The following ANO1 variants were observed in gnomAD, a reference collection of about 807,000 sequenced individuals.
The protein encoded by ANO1 is anoctamin-1.
ANO1 carries 59 observed loss-of-function variants against 124.0 expected under a neutral mutation model. The observed-to-expected ratio is 0.48, with a 90% CI of 0.39 to 0.59. The LOEUF (loss-of-function observed/expected upper bound fraction) is 0.59, where lower values mean the gene tolerates loss of function less well. ANO1 is among the 20% of genes least tolerant of loss of function. The pLI is 0.00. For missense variants in ANO1, 1,059 were observed against 1,328.0 expected (o/e 0.80, Z 3.15); for synonymous variants, 529 against 532.0 (o/e 0.99, Z 0.08).
chr11:70,168,448 C>T (rs1327375016), intron 21 of ANO1, among the ~76,000 whole-genome samples: 1 of 151,968 alleles, frequency 6.6e-6, no homozygotes, highest in Middle Eastern at 3.2e-3. Context: ...TGTTTCTGCT[C>T]CCCAGCAGAC....
intron 1 of ANO1, among the ~76,000 whole-genome samples, chr11:70,060,775 A>G (rs1251419314): frequency 6.6e-6 from 1 of 152,176 alleles, no homozygotes; most frequent in Non-Finnish European, 1.5e-5. Context: ...TAGAAAGGCA[A>G]CAGGTCATGG....
chr11:70,014,546 G>A (rs925001273), intron 1 of ANO1, among the ~76,000 whole-genome samples: 18 of 152,234 alleles, frequency 1.2e-4, no homozygotes, highest in African/African-American at 4.1e-4. Context: ...GCCTGCCCAG[G>A]CTGCTGCTGC....
chr11:70,101,160 G>A (rs909236133), intron 2 of ANO1, among the ~76,000 whole-genome samples: 2 of 151,768 alleles, frequency 1.3e-5, no homozygotes, highest in Non-Finnish European at 2.9e-5. Flanking sequence ...AGGTGCTGGG[G>A]CCCCACCTTT....
chr11:70,080,874 G>A (rs2044180854), intron 1 of ANO1, among the ~76,000 whole-genome samples: 1 of 152,214 alleles, frequency 6.6e-6, no homozygotes, highest in African/African-American at 2.4e-5. Flanking sequence ...GGGCCTGTTG[G>A]TGCAGGGCAG....
At chr11:70,051,976 A>G (rs1857355043) in intron 1 of ANO1, among the ~76,000 whole-genome samples, 1 of 152,192 alleles carries the variant, frequency 6.6e-6, no homozygotes, top group Admixed American at 6.5e-5. Context: ...TAAGGTCATG[A>G]AGGTAGCCTC....
At chr11:70,187,569 G>T (rs1283478488) in intron 25 of ANO1, among the ~76,000 whole-genome samples, 169 bp from the exon 26 acceptor site, 1 of 152,148 alleles carries the variant, frequency 6.6e-6, no homozygotes, top group African/African-American at 2.4e-5. Context: ...GAGGCCTGCC[G>T]GGTGGTTCTA....
At chr11:70,144,960 G>C (rs2047304079) in intron 11 of ANO1, among the ~76,000 whole-genome samples, 1 of 152,328 alleles carries the variant, frequency 6.6e-6, no homozygotes, top group African/African-American at 2.4e-5. Context: ...GCGTGGGAAA[G>C]CACCGTGTCC....
intron 1 of ANO1, among the ~76,000 whole-genome samples, chr11:70,019,266 C>CA (rs1856758592): frequency 7.0e-6 from 1 of 142,352 alleles, no homozygotes; most frequent in African/African-American, 2.6e-5. Flanking sequence ...CACACACATT[C>CA]ACTCCCCCGT....
At chr11:70,067,418 C>G (rs981996317) in intron 1 of ANO1, among the ~76,000 whole-genome samples, 5 of 151,766 alleles carry the variant, frequency 3.3e-5, no homozygotes, top group Admixed American at 2.0e-4. Context: ...ACCTCCACCC[C>G]CTAGGTTTAA....
intron 1 of ANO1, among the ~76,000 whole-genome samples, chr11:70,044,051 GA>G (rs61029206): frequency 0.097 from 14,733 of 152,050 alleles, 912 homozygotes; most frequent in Non-Finnish European, 0.14. Context: ...TAGCACAAAG[GA>G]AGGAGAGAAA....
upstream of ANO1, among the ~76,000 whole-genome samples, chr11:70,073,597 G>A (rs71467473): frequency 0.086 from 13,114 of 152,124 alleles, 601 homozygotes; most frequent in East Asian, 0.22. Flanking sequence ...AGAAGGGAAC[G>A]TGAGTGGCTG....
chr11:70,130,747 A>G (rs1486959041), intron 10 of ANO1, among the ~76,000 whole-genome samples: 1 of 152,152 alleles, frequency 6.6e-6, no homozygotes, highest in Admixed American at 6.5e-5. Flanking sequence ...GCCTGCACTG[A>G]GCGGGACCCA....
intron 12 of ANO1, among the ~76,000 whole-genome samples, chr11:70,150,293 G>A (rs1315680482): frequency 6.6e-6 from 1 of 152,174 alleles, no homozygotes. Context: ...TAACATAGAG[G>A]GAAAGCCAGT....
At chr11:70,046,862 T>A (rs956726976) in intron 1 of ANO1, among the ~76,000 whole-genome samples, 1 of 151,916 alleles carries the variant, frequency 6.6e-6, no homozygotes, top group Admixed American at 6.6e-5. Context: ...TCACCTGAGG[T>A]CAGGAGTTCA....
chr11:70,078,662 T>A lies in ANO1; in HGVS notation c.56T>A (p.Ile19Asn). Residue 19 changes from isoleucine to asparagine, a missense_variant, in exon 1 of 26, where the codon ATC (isoleucine) becomes AAC (asparagine). Physicochemically the swap from Ile to Asn is moderately radical, Grantham distance 149. Coordinates refer to ENST00000355303, the MANE Select transcript of ANO1 (RefSeq NM_018043.7). Reference protein sequence around the residue: ...TLPAEDRSVHIINICAIEDIG... With the variant: ...TLPAEDRSVHNINICAIEDIG... ...CCGGCCGAGGACCGCAGCGTCCACA[T>A]CATCAACATCTGCGCCATCGAGGAC... The A allele has an allele frequency of 6.7e-7, 1 of 1,499,548 alleles. No individual in the cohort carries two copies. The highest frequency in any genetic ancestry group is 9.0e-7 in the Non-Finnish European group (1 of 1,113,796). The allele number at this position is 1,499,548 out of a possible 1,614,324, so 92.9% of individuals were successfully genotyped here.
At chr11:70,055,433 C>T (rs556098921) in intron 1 of ANO1, among the ~76,000 whole-genome samples, 3 of 151,820 alleles carry the variant, frequency 2.0e-5, no homozygotes, top group Admixed American at 6.6e-5. Context: ...CCCTTTTTAT[C>T]TCTAGTAAAA....
rs1857593075 is a variant in ANO1, at chr11:70,062,063, C to CTTTTTTTTTTTTTTTTTTTTTTTTTTTT, written c.59-16476_59-16475insTTTTTTTTTTTTTTTTTTTTTTTTTTTT. ...AGAGGTGATTTTTTTCTCTTTCCTTCTTTCTTTTTTTTTTTTTTTTTTTTT... is the reference window on the plus strand; with the variant it reads ...AGAGGTGATTTTTTTCTCTTTCCTTCTTTTTTTTTTTTTTTTTTTTTTTTTTTTTTTCTTTTTTTTTTTTTTTTTTTTT... On this transcript the variant is annotated intron_variant, in intron 1 of 27. Coordinates refer to the ANO1 transcript ENST00000531349. 6.5e-5 allele frequency among the ~76,000 whole-genome samples: 5 copies of CTTTTTTTTTTTTTTTTTTTTTTTTTTTT among 76,698 alleles called. 2 individuals are homozygous for CTTTTTTTTTTTTTTTTTTTTTTTTTTTT. Among genetic ancestry groups the CTTTTTTTTTTTTTTTTTTTTTTTTTTTT allele is most frequent in the Non-Finnish European group, 8.6e-5 (3 of 34,798 alleles). The allele number at this position is 76,698 out of a possible 152,430, so 50.3% of individuals were successfully genotyped here.
At chr11:70,037,544 G>A (rs1353718953) in intron 1 of ANO1, among the ~76,000 whole-genome samples, 1 of 151,968 alleles carries the variant, frequency 6.6e-6, no homozygotes, top group Admixed American at 6.6e-5. Flanking sequence ...GGACCCAGGT[G>A]GCCTAGTGGG....
At chr11:70,083,527 G>T (rs1351691334) in intron 1 of ANO1, among the ~76,000 whole-genome samples, 1 of 152,158 alleles carries the variant, frequency 6.6e-6, no homozygotes, top group Admixed American at 6.5e-5. Context: ...TCCCTTGATA[G>T]GCCCCCAGTG....
Sources: gnomAD v4.1 joint callset for allele counts (sites outside exome capture counted in the v4.1 genomes callset) on GRCh38, gnomAD v4.1.1 for gene constraint, MANE v1.5 for transcripts, NCBI Gene and HGNC (gene_info 2026-07-23, HGNC 2026-07-21) for gene names.